Variants in TFEC observed in about 807,000 individuals in gnomAD.
TFEC encodes class E basic helix-loop-helix protein 34.
In TFEC, 31 loss-of-function variants were observed where a neutral mutation model predicts 41.6. The observed-to-expected ratio is 0.74, with a 90% CI of 0.56 to 1.01. The LOEUF is 1.01. TFEC is among the 50% of genes least tolerant of loss of function. The pLI, the probability that TFEC is intolerant of heterozygous loss-of-function variation, is 0.00. For missense variants in TFEC, 402 were observed against 404.1 expected (o/e 0.99, Z 0.04); for synonymous variants, 143 against 140.6 (o/e 1.02, Z -0.12).
At chr7:116,155,350 A>G (rs1295235026) in intron 1 of TFEC, among the ~76,000 whole-genome samples, 2 of 152,218 alleles carry the variant, frequency 1.3e-5, no homozygotes, top group Admixed American at 6.5e-5. Flanking sequence ...TTTATTTAAG[A>G]TATCGAAGGA....
chr7:116,014,029 A>G (rs541301223), intron 1 of TFEC, among the ~76,000 whole-genome samples: 3 of 152,210 alleles, frequency 2.0e-5, no homozygotes, highest in African/African-American at 7.2e-5. Context: ...TCCCTAGATT[A>G]TGTAATAAAT....
At chr7:115,980,675 A>T (rs963445991) in intron 2 of TFEC, among the ~76,000 whole-genome samples, 8 of 151,940 alleles carry the variant, frequency 5.3e-5, no homozygotes, top group Admixed American at 5.2e-4. Flanking sequence ...TCTTGAACCC[A>T]GGTGGTGGAA....
chr7:116,039,171 A>G (rs1007041432), intron 3 of TFEC, among the ~76,000 whole-genome samples: 9 of 152,106 alleles, frequency 5.9e-5, no homozygotes, highest in Admixed American at 3.9e-4. Flanking sequence ...TCTTTAACAT[A>G]TCAACTTTTC....
chr7:115,970,304 C>T (rs1253957853), intron 3 of TFEC, among the ~76,000 whole-genome samples: 1 of 151,918 alleles, frequency 6.6e-6, no homozygotes, highest in Non-Finnish European at 1.5e-5. Context: ...GGAGAATTTG[C>T]TACTGGATTA....
intron 3 of TFEC, among the ~76,000 whole-genome samples, chr7:116,038,561 A>G (rs1795962839): frequency 6.6e-6 from 1 of 152,034 alleles, no homozygotes; most frequent in Non-Finnish European, 1.5e-5. Flanking sequence ...TCAAAAATCA[A>G]AAATATTTCA....
chr7:116,058,160 A>G (rs1796472195), intron 3 of TFEC, among the ~76,000 whole-genome samples: 1 of 151,888 alleles, frequency 6.6e-6, no homozygotes, highest in African/African-American at 2.4e-5. Context: ...AGCATAAAGT[A>G]ACAAATAGGT....
At chr7:115,949,209 G>C (rs367819961) in intron 6 of TFEC, among the ~76,000 whole-genome samples, 95 of 152,060 alleles carry the variant, frequency 6.2e-4, no homozygotes, top group Non-Finnish European at 1.0e-3. Flanking sequence ...AGCATACAAA[G>C]AAATGGAAGA....
chr7:115,961,714 T>A (rs1792564102), intron 3 of TFEC, among the ~76,000 whole-genome samples: 1 of 151,670 alleles, frequency 6.6e-6, no homozygotes, highest in South Asian at 2.1e-4. Flanking sequence ...GTACATTAGA[T>A]TTAAAAGGTA....
At chr7:115,952,289 C>CA (rs993250684) in intron 5 of TFEC, among the ~76,000 whole-genome samples, 3 of 151,606 alleles carry the variant, frequency 2.0e-5, no homozygotes, top group Admixed American at 6.6e-5. Context: ...AATGACACCA[C>CA]AAAAAACACT....
intron 3 of TFEC, among the ~76,000 whole-genome samples, chr7:116,068,315 T>C (rs1796743296): frequency 6.6e-6 from 1 of 151,814 alleles, no homozygotes; most frequent in African/African-American, 2.4e-5. Context: ...TTACTAAGCC[T>C]AAAATTGTTT....
chr7:116,133,938 C>CA (rs900567210), intron 1 of TFEC, among the ~76,000 whole-genome samples: 35 of 150,926 alleles, frequency 2.3e-4, no homozygotes, highest in African/African-American at 5.3e-4. Flanking sequence ...ATAGCAACAA[C>CA]AAAAAAAAAT....
chr7:115,989,458 C>T (rs907565676), intron 1 of TFEC, among the ~76,000 whole-genome samples: 2 of 152,146 alleles, frequency 1.3e-5, no homozygotes, highest in Non-Finnish European at 2.9e-5. Context: ...TCGCCTCACC[C>T]GGGAAGCATA....
At chr7:116,081,110 C>A (rs1797079959) in intron 3 of TFEC, among the ~76,000 whole-genome samples, 1 of 151,580 alleles carries the variant, frequency 6.6e-6, no homozygotes, top group Admixed American at 6.6e-5. Context: ...AGTGAAGTAC[C>A]TCCGGAATAG....
At chr7:116,016,830 C>T (rs1428913356) in intron 1 of TFEC, among the ~76,000 whole-genome samples, 1 of 151,850 alleles carries the variant, frequency 6.6e-6, no homozygotes, top group African/African-American at 2.4e-5. Context: ...TGTACTATAT[C>T]TACCTATCTC....
At chr7:116,081,504 G>A (rs966868165) in intron 3 of TFEC, among the ~76,000 whole-genome samples, 1 of 152,008 alleles carries the variant, frequency 6.6e-6, no homozygotes, top group Non-Finnish European at 1.5e-5. Flanking sequence ...CCACTGCCCT[G>A]CCTTAGTTAA....
At chr7:116,051,041 G>T (rs760648418) in intron 3 of TFEC, among the ~76,000 whole-genome samples, 84 of 152,230 alleles carry the variant, frequency 5.5e-4, no homozygotes, top group Non-Finnish European at 7.9e-4. Context: ...GCAAACTATT[G>T]CAAGGACAGA....
intron 1 of TFEC, among the ~76,000 whole-genome samples, chr7:116,026,274 T>C (rs575063460): frequency 6.6e-6 from 1 of 152,228 alleles, no homozygotes; most frequent in African/African-American, 2.4e-5. Context: ...TTTGGCCCAA[T>C]GCCTTCGCCT....
At chr7:116,136,657 T>C (rs1282754983) in intron 1 of TFEC, among the ~76,000 whole-genome samples, 1 of 151,902 alleles carries the variant, frequency 6.6e-6, no homozygotes, top group Non-Finnish European at 1.5e-5. Context: ...TCATTGACTT[T>C]CAAATTTTGA....
At chr7:116,046,379 T>C (rs1056517768) in intron 3 of TFEC, among the ~76,000 whole-genome samples, 1 of 152,194 alleles carries the variant, frequency 6.6e-6, no homozygotes, top group Non-Finnish European at 1.5e-5. Context: ...ATTCTCGTGA[T>C]AGTGAATAGG....
Sources: gnomAD v4.1 joint callset for allele counts (sites outside exome capture counted in the v4.1 genomes callset) on GRCh38, gnomAD v4.1.1 for gene constraint, MANE v1.5 for transcripts, NCBI Gene and HGNC (gene_info 2026-07-23, HGNC 2026-07-21) for gene names.